CEP63: variants seen among roughly 807,000 people sequenced by gnomAD.
CEP63 encodes centrosomal protein of 63 kDa.
Under a neutral mutation model 89.1 loss-of-function variants are expected in CEP63, and 84 were observed. That is an observed-to-expected ratio of 0.94 (90% CI 0.79 to 1.13). CEP63 has a LOEUF of 1.13. Ranked by LOEUF, CEP63 falls within the 50% of genes most tolerant of loss-of-function variation. The pLI is 0.00. For missense variants in CEP63, 838 were observed against 813.3 expected (o/e 1.03, Z -0.37); for synonymous variants, 267 against 272.5 (o/e 0.98, Z 0.20).
At chr3:134,537,126 G>T in intron 5 of CEP63, 29 bp from the exon 6 acceptor site, 1 of 1,395,304 alleles carries the variant, frequency 7.2e-7, no homozygotes, top group South Asian at 1.2e-5. Context: ...GAAGCACTCA[G>T]AAATTAAGTA....
At position 134,495,078 on chromosome 3, in the gene CEP63, G is replaced by A. The variant is rs112359268; in HGVS notation, c.-25-218G>A. 8.7e-3 allele frequency among the ~76,000 whole-genome samples: 1,327 copies of A among 152,240 alleles called. 19 individuals carry two copies. The highest frequency in any genetic ancestry group is 0.031 in the African/African-American group (1,276 of 41,536). On this transcript the variant is annotated intron_variant, in intron 1 of 14. Transcript: ENST00000675561. ...TATTTACACGGAGAGAGTGTCAACC[G>A]CAATTCAGATATTTTTAAGTTATTC...
At chr3:134,510,061 C>T (rs888135726) in intron 3 of CEP63, among the ~76,000 whole-genome samples, 14 of 152,144 alleles carry the variant, frequency 9.2e-5, no homozygotes, top group African/African-American at 2.9e-4. Context: ...AGAGAATTAA[C>T]AGCCTTTCTC....
At chr3:134,696,402 C>T in the CEP63 span, among the ~76,000 whole-genome samples, 3 of 152,160 alleles carry the variant, frequency 2.0e-5, no homozygotes, top group African/African-American at 7.2e-5. Context: ...TGTTGGTTGA[C>T]AGTGAGTGTA....
chr3:134,587,555 T>A (rs1958511038), exon 11 of CEP63, among the ~76,000 whole-genome samples: 1 of 152,166 alleles, frequency 6.6e-6, no homozygotes, highest in Non-Finnish European at 1.5e-5. Context: ...TGCTGCCTGA[T>A]CCTTCCCCCG....
chr3:134,619,713 T>C, the CEP63 span, among the ~76,000 whole-genome samples: 3 of 152,212 alleles, frequency 2.0e-5, no homozygotes, highest in Non-Finnish European at 4.4e-5. Context: ...AAGGAGGGGA[T>C]GAAGACATTG....
chr3:134,486,361 C>G (rs1006903670), intron 1 of CEP63, 159 bp downstream of exon 1: 2 of 985,552 alleles, frequency 2.0e-6, no homozygotes, highest in Non-Finnish European at 2.4e-6. Flanking sequence ...CCGGTTTGCG[C>G]AACGGCCTGC....
chr3:134,713,834 A>T, the CEP63 span, among the ~76,000 whole-genome samples: 72 of 152,346 alleles, frequency 4.7e-4, no homozygotes, highest in East Asian at 0.013. Flanking sequence ...TAACTTCCTC[A>T]TTTGTAAAAT....
the CEP63 span, among the ~76,000 whole-genome samples, chr3:134,739,117 G>A: frequency 1.3e-5 from 2 of 152,260 alleles, no homozygotes; most frequent in South Asian, 4.1e-4. Context: ...TTACCATGTG[G>A]GCCGGAGATT....
intron 5 of CEP63, among the ~76,000 whole-genome samples, chr3:134,534,675 A>T (rs1950445593): frequency 6.6e-6 from 1 of 152,096 alleles, no homozygotes; most frequent in Non-Finnish European, 1.5e-5. Flanking sequence ...TCTACCTGTC[A>T]TGTATCGCTG....
At chr3:134,539,817 A>G (rs1030794692) in intron 6 of CEP63, among the ~76,000 whole-genome samples, 1 of 152,224 alleles carries the variant, frequency 6.6e-6, no homozygotes, top group African/African-American at 2.4e-5. Context: ...CAGCTATTAA[A>G]ATTACATAAT....
At chr3:134,716,803 T>C in the CEP63 span, among the ~76,000 whole-genome samples, 2 of 152,202 alleles carry the variant, frequency 1.3e-5, no homozygotes, top group Admixed American at 1.3e-4. Flanking sequence ...GATGGTCAAT[T>C]ACTTTACACC....
chr3:134,644,762 A>G, the CEP63 span, among the ~76,000 whole-genome samples: 1 of 152,312 alleles, frequency 6.6e-6, no homozygotes. Flanking sequence ...GGGGTGAGGT[A>G]CTGAGCCAGG....
At chr3:134,569,587 T>G (rs1957934021), downstream of CEP63, among the ~76,000 whole-genome samples, 1 of 152,222 alleles carries the variant, frequency 6.6e-6, no homozygotes, top group Non-Finnish European at 1.5e-5. Context: ...TCCACTCCTG[T>G]GGCTTTGCAT....
At chr3:134,573,138 T>A (rs1958082701) in intron 11 of CEP63, among the ~76,000 whole-genome samples, 2 of 152,210 alleles carry the variant, frequency 1.3e-5, no homozygotes, top group African/African-American at 4.8e-5. Context: ...TTGTTTAAGT[T>A]CCTTATAGAT....
chr3:134,725,062 T>A, the CEP63 span, among the ~76,000 whole-genome samples: 1 of 140,248 alleles, frequency 7.1e-6, no homozygotes, highest in South Asian at 2.3e-4. Context: ...TATGGAAACA[T>A]TAATCAAAGA....
intron 6 of CEP63, 144 bp downstream of exon 6, chr3:134,537,412 C>T: frequency 3.0e-6 from 2 of 670,346 alleles, no homozygotes; most frequent in Non-Finnish European, 5.6e-6. Flanking sequence ...AGCCTCTCCT[C>T]AGCATCTAGA....
chr3:134,676,819 G>A, the CEP63 span, among the ~76,000 whole-genome samples: 7 of 152,226 alleles, frequency 4.6e-5, no homozygotes, highest in East Asian at 1.9e-4. Flanking sequence ...ATTTTCTATC[G>A]CTTACCCCCA....
the CEP63 span, among the ~76,000 whole-genome samples, chr3:134,761,964 A>C: frequency 6.6e-6 from 1 of 152,260 alleles, no homozygotes; most frequent in African/African-American, 2.4e-5. Context: ...CAGGAGCAAA[A>C]ACTTTCAGCC....
the CEP63 span, among the ~76,000 whole-genome samples, chr3:134,714,425 C>T: frequency 7.2e-5 from 11 of 152,156 alleles, no homozygotes; most frequent in Non-Finnish European, 1.3e-4. Flanking sequence ...ATTCATGTCC[C>T]ATCTTGTGTC....
Sources: gnomAD v4.1 joint callset for allele counts (sites outside exome capture counted in the v4.1 genomes callset) on GRCh38, gnomAD v4.1.1 for gene constraint, MANE v1.5 for transcripts, NCBI Gene and HGNC (gene_info 2026-07-23, HGNC 2026-07-21) for gene names.